The following UBE2L3 variants were observed in gnomAD, a reference collection of about 807,000 sequenced individuals.
UBE2L3 encodes ubiquitin-conjugating enzyme E2 L3.
UBE2L3 carries 1 observed loss-of-function variant against 17.8 expected under a neutral mutation model. The ratio of observed to expected loss-of-function variants is 0.06; its 90% CI spans 0.02 to 0.27. The LOEUF (loss-of-function observed/expected upper bound fraction) is 0.27, where lower values mean the gene tolerates loss of function less well. Ranked by LOEUF, UBE2L3 falls within the 10% of genes least tolerant of loss-of-function variation. The pLI is 1.00. For synonymous variants in UBE2L3, 44 were observed against 68.5 expected, an observed-to-expected ratio of 0.64 and a Z score of 1.76; for missense variants, 40 against 192.6, an observed-to-expected ratio of 0.21 and a Z score of 4.69.
At chr22:21,599,801 T>C (rs555012759) in intron 2 of UBE2L3, among the ~76,000 whole-genome samples, 1 of 152,170 alleles carries the variant, frequency 6.6e-6, no homozygotes, top group Non-Finnish European at 1.5e-5. Flanking sequence ...TTGTTTTGTT[T>C]TTTTCACTTC....
intron 1 of UBE2L3, among the ~76,000 whole-genome samples, chr22:21,560,595 C>G (rs1241757433): frequency 6.6e-6 from 1 of 150,568 alleles, no homozygotes; most frequent in African/African-American, 2.5e-5. Flanking sequence ...GGATTACAGG[C>G]GCATGCCACC....
At chr22:21,588,279 G>A (rs1391087274) in intron 1 of UBE2L3, among the ~76,000 whole-genome samples, 3 of 152,004 alleles carry the variant, frequency 2.0e-5, no homozygotes, top group African/African-American at 7.3e-5. Flanking sequence ...TCCACTTCTT[G>A]GAATTTACAT....
intron 2 of UBE2L3, among the ~76,000 whole-genome samples, chr22:21,601,845 G>A (rs1217470441): frequency 2.6e-5 from 4 of 151,752 alleles, no homozygotes; most frequent in Non-Finnish European, 5.9e-5. Flanking sequence ...GGTGGTGGGC[G>A]CCTGTAGTCC....
chr22:21,587,696 C>T (rs1183792833), intron 1 of UBE2L3, among the ~76,000 whole-genome samples: 1 of 152,216 alleles, frequency 6.6e-6, no homozygotes, highest in Non-Finnish European at 1.5e-5. Context: ...TCTCCCATCT[C>T]CTCTCAGGAC....
chr22:21,576,242 G>C (rs1234165074), intron 1 of UBE2L3, among the ~76,000 whole-genome samples: 1 of 151,608 alleles, frequency 6.6e-6, no homozygotes, highest in Non-Finnish European at 1.5e-5. Context: ...AGCCTCCTGA[G>C]TAGCTGGGAT....
chr22:21,578,620 CG>C (rs989946000), intron 1 of UBE2L3, among the ~76,000 whole-genome samples: 4 of 152,040 alleles, frequency 2.6e-5, no homozygotes, highest in African/African-American at 9.7e-5. Context: ...CAGATGGACA[CG>C]GAAACACCTT....
intron 1 of UBE2L3, among the ~76,000 whole-genome samples, chr22:21,586,992 T>C (rs1205650941): frequency 6.6e-6 from 1 of 150,956 alleles, no homozygotes; most frequent in Non-Finnish European, 1.5e-5. Context: ...TTCAAGCAAT[T>C]CTCATGCCTC....
chr22:21,564,037 CTT>C (rs131661), upstream of UBE2L3, among the ~76,000 whole-genome samples: 35 of 138,014 alleles, frequency 2.5e-4, no homozygotes, highest in Admixed American at 2.9e-4. Context: ...TTCTTTCTTT[CTT>C]TTTTTTTTTT....
upstream of UBE2L3, among the ~76,000 whole-genome samples, chr22:21,567,044 A>T (rs1926663745): frequency 6.6e-6 from 1 of 152,200 alleles, no homozygotes. Flanking sequence ...TCTGGCACTT[A>T]GTAGGGCCAT....
intron 2 of UBE2L3, among the ~76,000 whole-genome samples, chr22:21,600,794 A>G (rs140926023): frequency 4.6e-5 from 7 of 152,338 alleles, no homozygotes; most frequent in African/African-American, 1.7e-4. Flanking sequence ...TCAGAAACCA[A>G]TATTAGAACA....
At chr22:21,568,076 G>A in intron 1 of UBE2L3, 1 of 1,218,112 alleles carries the variant, frequency 8.2e-7, no homozygotes, top group African/African-American at 1.6e-5. Flanking sequence ...GGTCCGATCT[G>A]AGGGCGTCGT....
At chr22:21,602,005 C>T (rs1386661759) in intron 2 of UBE2L3, among the ~76,000 whole-genome samples, 4 of 151,664 alleles carry the variant, frequency 2.6e-5, no homozygotes, top group Non-Finnish European at 5.9e-5. Flanking sequence ...GCCTGGGGCA[C>T]TCCGAGCAGG....
intron 1 of UBE2L3, among the ~76,000 whole-genome samples, chr22:21,571,471 C>T (rs778853480): frequency 1.4e-4 from 21 of 152,138 alleles, no homozygotes; most frequent in Admixed American, 3.3e-4. Context: ...CGCGATGGCA[C>T]GATCTCTGTG....
intron 1 of UBE2L3, chr22:21,568,053 T>G: frequency 3.9e-6 from 5 of 1,267,286 alleles, no homozygotes; most frequent in South Asian, 2.4e-5. Flanking sequence ...CGTCCCCCTG[T>G]CGCGGAGGCC....
chr22:21,615,383 G>A (rs535023382), intron 3 of UBE2L3, among the ~76,000 whole-genome samples: 5 of 151,730 alleles, frequency 3.3e-5, no homozygotes, highest in African/African-American at 1.2e-4. Context: ...GTGAAACCCT[G>A]TCTTTACTAA....
chr22:21,558,003 G>A (rs1349219736), intron 1 of UBE2L3, among the ~76,000 whole-genome samples: 1 of 150,866 alleles, frequency 6.6e-6, no homozygotes, highest in South Asian at 2.1e-4. Flanking sequence ...CCCTGACCCG[G>A]AGAGAAGGCA....
intron 2 of UBE2L3, among the ~76,000 whole-genome samples, chr22:21,605,301 G>A (rs371516495): frequency 8.5e-4 from 129 of 151,800 alleles, no homozygotes; most frequent in African/African-American, 3.1e-3. Context: ...CACTGCAGCC[G>A]GTGCCTCCTG....
chr22:21,607,371 C>T (rs189886615), intron 2 of UBE2L3, among the ~76,000 whole-genome samples: 5 of 151,216 alleles, frequency 3.3e-5, no homozygotes, highest in East Asian at 3.9e-4. Context: ...AAAAATTAGT[C>T]GGGCAGGGTA....
chr22:21,570,791 C>T (rs879827519), intron 1 of UBE2L3, among the ~76,000 whole-genome samples: 7 of 151,878 alleles, frequency 4.6e-5, no homozygotes, highest in Non-Finnish European at 1.0e-4. Flanking sequence ...AAGTGATTTT[C>T]GTTGGTGAAA....
Sources: gnomAD v4.1 joint callset for allele counts (sites outside exome capture counted in the v4.1 genomes callset) on GRCh38, gnomAD v4.1.1 for gene constraint, MANE v1.5 for transcripts, NCBI Gene and HGNC (gene_info 2026-07-23, HGNC 2026-07-21) for gene names.